The following NFATC2 variants were observed in gnomAD, a reference collection of about 807,000 sequenced individuals.
NFATC2 encodes the protein nuclear factor of activated T-cells, cytoplasmic 2.
Under a neutral mutation model 87.3 loss-of-function variants are expected in NFATC2, and 22 were observed. The ratio of observed to expected loss-of-function variants is 0.25; its 90% CI spans 0.18 to 0.36. The LOEUF is 0.36. NFATC2 is among the 10% of genes least tolerant of loss of function. NFATC2 has a pLI of 1.00. For missense variants in NFATC2, 1,149 were observed against 1,259.1 expected (o/e 0.91, Z 1.32); for synonymous variants, 565 against 542.2 (o/e 1.04, Z -0.58).
intron 9 of NFATC2, among the ~76,000 whole-genome samples, chr20:51,424,139 A>G (rs1250828212): frequency 1.3e-5 from 2 of 152,200 alleles, no homozygotes; most frequent in Non-Finnish European, 2.9e-5. Context: ...GAGAACGGCT[A>G]CCAGCTCAAT....
At chr20:51,456,315 C>T (rs988437248) in intron 5 of NFATC2, among the ~76,000 whole-genome samples, 2 of 152,108 alleles carry the variant, frequency 1.3e-5, no homozygotes, top group Non-Finnish European at 2.9e-5. Flanking sequence ...CATAGCAACC[C>T]TCTGAGGAAG....
chr20:51,412,724 A>G (rs1004384967), intron 9 of NFATC2, among the ~76,000 whole-genome samples: 5 of 152,184 alleles, frequency 3.3e-5, no homozygotes, highest in African/African-American at 1.2e-4. Context: ...AGCTGGGTCC[A>G]CGGGGATGCT....
chr20:51,489,814 G>A lies in NFATC2; in HGVS notation c.1333-14154C>T, dbSNP rs577960584. Among the ~76,000 whole-genome samples, 9 of 152,320 alleles carry A rather than the reference G, an allele frequency of 5.9e-5. No homozygotes were observed. The South Asian group carries it at 1.9e-3, about 32-fold the overall frequency. On this transcript the variant is annotated intron_variant, in intron 3 of 10. Coordinates refer to ENST00000371564, the MANE Select transcript of NFATC2 (RefSeq NM_012340.5). Reference sequence around the variant, plus strand: ...ATGACACCCAAGTCAGTCTGCAAATGTTCTCATCCTCTTACTCACAATCCA... The same window carrying A: ...ATGACACCCAAGTCAGTCTGCAAATATTCTCATCCTCTTACTCACAATCCA...
chr20:51,562,810 C>G (rs574362543), upstream of NFATC2: 2 of 561,850 alleles, frequency 3.6e-6, no homozygotes, highest in African/African-American at 3.9e-5. The surrounding 1 kb of genome is among the most constrained non-coding windows in gnomAD (Gnocchi z 5.8). Flanking sequence ...CGGCGCGGCT[C>G]CGCGATCCGG....
intron 10 of NFATC2, among the ~76,000 whole-genome samples, chr20:51,396,710 C>T (rs574247872): frequency 9.6e-4 from 147 of 152,336 alleles, no homozygotes; most frequent in African/African-American, 3.4e-3. Flanking sequence ...CCCCCAGTCA[C>T]TACTGACTAT....
intron 6 of NFATC2, among the ~76,000 whole-genome samples, chr20:51,450,090 T>G (rs1417804220): frequency 2.6e-5 from 4 of 152,216 alleles, no homozygotes; most frequent in Non-Finnish European, 4.4e-5. Context: ...CCAACGTGTA[T>G]AATCTCATTT....
rs780399979 is a variant in NFATC2 at position 51,523,525 on chromosome 20, G to A, written c.716C>T (p.Pro239Leu). 3.7e-6 allele frequency: 6 copies of A among 1,613,570 alleles called. No homozygotes were observed. Among genetic ancestry groups the A allele is most frequent in the Non-Finnish European group, 5.1e-6 (6 of 1,179,708 alleles). The change falls in exon 2 of 11, where the codon CCC becomes CTC. Residue 239 changes from proline to leucine, a missense_variant. Physicochemically the swap from Pro to Leu is moderately conservative, Grantham distance 98 (BLOSUM62 -3). Transcript: ENST00000371564. This position sits in a 1 kb window ranked among gnomAD's most constrained non-coding sequence, Gnocchi z 6.9. ...DSCLGRHSPVPRPASRSSSPG... is the reference protein window; with the variant it reads ...DSCLGRHSPVLRPASRSSSPG... ...CGATGAGGAGCGGGAGGCCGGACGG[G>A]GCACGGGCGAGTGGCGGCCCAGGCA... is the stretch of plus-strand genomic sequence containing the variant.
intron 9 of NFATC2, among the ~76,000 whole-genome samples, chr20:51,431,773 T>A (rs1436420629): frequency 6.6e-6 from 1 of 151,634 alleles, no homozygotes; most frequent in African/African-American, 2.4e-5. Context: ...ATGGACCCAG[T>A]TCATGACCCA....
chr20:51,532,801 C>T (rs1189612522), intron 1 of NFATC2, among the ~76,000 whole-genome samples: 1 of 152,230 alleles, frequency 6.6e-6, no homozygotes, highest in Non-Finnish European at 1.5e-5. Context: ...AAAATAGAAA[C>T]CCAGCTAGGG....
intron 9 of NFATC2, among the ~76,000 whole-genome samples, chr20:51,426,199 C>T (rs1981805780): frequency 6.6e-6 from 1 of 152,156 alleles, no homozygotes; most frequent in South Asian, 2.1e-4. Flanking sequence ...ATAAACAAGG[C>T]TGGGCATGGT....
rs2076478299 is a variant in NFATC2, at chr20:51,523,194, C to T, written c.1047G>A (p.Val349=). 1.9e-6 allele frequency: 3 copies of T among 1,614,032 alleles called. No individual in the cohort carries two copies. Among genetic ancestry groups the T allele is most frequent in the Non-Finnish European group, 2.5e-6 (3 of 1,180,010 alleles). ...CCTGCTCGCAGGGCCCCAGGAACTC[C>T]ACGGCCGGGTAGATGTGGCGAGGCA... ...AGLPRHIYPA[V]EFLGPCEQGE... The change falls in exon 2 of 11, where the codon GTG becomes GTA. Residue 349 remains valine (V), a synonymous_variant. Coordinates refer to ENST00000371564, the MANE Select transcript of NFATC2 (RefSeq NM_012340.5). This position sits in a 1 kb window ranked among gnomAD's most constrained non-coding sequence, Gnocchi z 6.9.
At chr20:51,463,807 C>G (rs1386097882) in intron 5 of NFATC2, among the ~76,000 whole-genome samples, 2 of 152,168 alleles carry the variant, frequency 1.3e-5, no homozygotes, top group East Asian at 3.9e-4. Flanking sequence ...TTAAGATGGG[C>G]CTTCTGAGGT....
At position 51,426,422 on chromosome 20, in the gene NFATC2, G is replaced by A. The variant is rs961573225; in HGVS notation, c.2722+5645C>T. On this transcript the variant is annotated intron_variant, in intron 9 of 10. Coordinates refer to ENST00000371564, the MANE Select transcript of NFATC2 (RefSeq NM_012340.5). The stretch of plus-strand genomic sequence containing the variant: ...GAACCCAGGAGGCAGAGGTTGCAGC[G>A]AGCCAAGATCATGCCACTGCACTCC... Among the ~76,000 whole-genome samples, 7 of 151,860 alleles carry A rather than the reference G, an allele frequency of 4.6e-5. No individual in the cohort carries two copies. In the South Asian group the frequency reaches 6.2e-4, roughly 14 times the overall value.
At chr20:51,425,935 T>C (rs1311541418) in intron 9 of NFATC2, among the ~76,000 whole-genome samples, 1 of 151,224 alleles carries the variant, frequency 6.6e-6, no homozygotes, top group African/African-American at 2.4e-5. Context: ...CTCACTGGAG[T>C]TCTCAGCAGC....
At chr20:51,561,484 A>AAAGCAAGC (rs377087625) in intron 1 of NFATC2, among the ~76,000 whole-genome samples, 1,453 of 90,000 alleles carry the variant, frequency 0.016, 44 homozygotes, top group Non-Finnish European at 0.018. Context: ...AGAAAGAAAG[A>AAAGCAAGC]AAGCAAGCAA....
At chr20:51,441,905 G>A (rs528311930) in intron 6 of NFATC2, among the ~76,000 whole-genome samples, 12 of 152,146 alleles carry the variant, frequency 7.9e-5, no homozygotes, top group African/African-American at 2.9e-4. Flanking sequence ...GAATTGAAGG[G>A]CCATCCTGAC....
intron 1 of NFATC2, among the ~76,000 whole-genome samples, chr20:51,527,695 G>C (rs915140730): frequency 3.9e-5 from 6 of 152,326 alleles, no homozygotes; most frequent in African/African-American, 1.4e-4. Context: ...CAAACCAAAA[G>C]ATAGAAGGCT....
At chr20:51,398,511 A>AAGAGCAGGAGAATGAGAAGAG in intron 10 of NFATC2, 132 bp downstream of exon 10, 1 of 598,880 alleles carries the variant, frequency 1.7e-6, no homozygotes, top group South Asian at 2.1e-5. Flanking sequence ...TCTAGCCCTT[A>AAGAGCAGGAGAATGAGAAGAG]AGAGCAGGAG....
chr20:51,404,565 C>T (rs1398044471), intron 9 of NFATC2, among the ~76,000 whole-genome samples: 3 of 152,238 alleles, frequency 2.0e-5, no homozygotes, highest in Admixed American at 2.0e-4. Flanking sequence ...CCAAAAGTAG[C>T]AGCTCTTTCT....
Sources: allele counts gnomAD v4.1 joint callset (sites outside exome capture counted in the v4.1 genomes callset), GRCh38; gene constraint gnomAD v4.1.1; non-coding constraint Gnocchi (gnomAD v3.1); transcripts MANE v1.5; gene names NCBI Gene and HGNC (gene_info 2026-07-23, HGNC 2026-07-21).